Variants in CUL3 observed in about 807,000 individuals in gnomAD.
CUL3 encodes the protein cullin 3.
A neutral mutation model predicts 89.1 loss-of-function variants in CUL3; 19 were observed. The observed-to-expected ratio is 0.21, with a 90% CI of 0.15 to 0.31. CUL3 has a LOEUF of 0.31. Ranked by LOEUF, CUL3 falls within the 10% of genes least tolerant of loss-of-function variation. The pLI is 1.00. For missense variants in CUL3, 469 were observed against 942.3 expected (o/e 0.50, Z 6.58); for synonymous variants, 351 against 308.4 (o/e 1.14, Z -1.45).
intron 3 of CUL3, among the ~76,000 whole-genome samples, chr2:224,515,711 A>G (rs1693014157): frequency 7.0e-6 from 1 of 143,346 alleles, no homozygotes; most frequent in Non-Finnish European, 1.5e-5. Flanking sequence ...TTTTTTTTTG[A>G]GATGGAGTCT....
intron 3 of CUL3, among the ~76,000 whole-genome samples, chr2:224,533,584 G>A (rs768832137): frequency 8.5e-5 from 13 of 152,156 alleles, no homozygotes; most frequent in East Asian, 5.8e-4. Context: ...AGAATAAACC[G>A]TAAGATTACA....
intron 13 of CUL3, 68 bp from the exon 14 acceptor site, chr2:224,482,146 A>T: frequency 1.6e-6 from 2 of 1,255,732 alleles, no homozygotes; most frequent in South Asian, 2.9e-5. Context: ...TAGCAAGTAA[A>T]CTGACCAAGC....
chr2:224,498,714 AG>A (rs1692263885), intron 11 of CUL3, among the ~76,000 whole-genome samples: 1 of 152,232 alleles, frequency 6.6e-6, no homozygotes, highest in Non-Finnish European at 1.5e-5. Flanking sequence ...GCAGTTGACC[AG>A]GGTGAAGCAG....
chr2:224,523,492 G>A (rs771392927), intron 3 of CUL3, among the ~76,000 whole-genome samples: 8 of 151,850 alleles, frequency 5.3e-5, no homozygotes, highest in Non-Finnish European at 8.8e-5. Context: ...TATAGCTGCT[G>A]TGGAAAGCAA....
At chr2:224,492,918 G>A (rs1304036756) in intron 13 of CUL3, among the ~76,000 whole-genome samples, 1 of 152,186 alleles carries the variant, frequency 6.6e-6, no homozygotes, top group Admixed American at 6.5e-5. Flanking sequence ...CAGCCACCAA[G>A]ATTTGAGGAC....
chr2:224,482,728 C>T (rs3754631), intron 13 of CUL3, among the ~76,000 whole-genome samples: 28,125 of 152,100 alleles, frequency 0.18, 2,953 homozygotes, highest in South Asian at 0.27. Flanking sequence ...GGAGAAAAAG[C>T]AGCTCAGGAA....
At chr2:224,482,297 C>T (rs1445652388) in intron 13 of CUL3, among the ~76,000 whole-genome samples, 2 of 151,952 alleles carry the variant, frequency 1.3e-5, no homozygotes, top group Non-Finnish European at 2.9e-5. Context: ...ATTAAAAAGA[C>T]ATGTACTTTT....
At chr2:224,498,284 A>G (rs972045880) in intron 11 of CUL3, among the ~76,000 whole-genome samples, 1 of 152,194 alleles carries the variant, frequency 6.6e-6, no homozygotes, top group African/African-American at 2.4e-5. Flanking sequence ...AAGTTTATGT[A>G]ATTTTTTCTT....
chr2:224,580,545 G>A (rs1323853330), intron 1 of CUL3, among the ~76,000 whole-genome samples: 3 of 152,140 alleles, frequency 2.0e-5, no homozygotes, highest in Non-Finnish European at 4.4e-5. Flanking sequence ...TTAGCCAGAC[G>A]TGGTGGCGCA....
chr2:224,498,724 A>G (rs1384910001), intron 11 of CUL3, among the ~76,000 whole-genome samples: 2 of 152,246 alleles, frequency 1.3e-5, no homozygotes, highest in Admixed American at 1.3e-4. Flanking sequence ...AGGGTGAAGC[A>G]GGACTGTCTA....
chr2:224,512,206 C>T (rs1422964352), intron 5 of CUL3, among the ~76,000 whole-genome samples: 3 of 152,092 alleles, frequency 2.0e-5, no homozygotes, highest in Non-Finnish European at 2.9e-5. Flanking sequence ...CACCATTCTC[C>T]TGCCTCAGCC....
intron 10 of CUL3, among the ~76,000 whole-genome samples, chr2:224,500,689 G>A (rs1323927688): frequency 1.4e-5 from 2 of 147,020 alleles, no homozygotes; most frequent in African/African-American, 2.5e-5. Flanking sequence ...GCAATGGCAC[G>A]ATCTCGGCTC....
chr2:224,505,138 G>GTT lies in CUL3; in HGVS notation c.1206+816_1206+817dup, dbSNP rs11428046. 1.9e-3 allele frequency among the ~76,000 whole-genome samples: 255 copies of GTT among 137,678 alleles called. 2 individuals are homozygous for GTT. The highest frequency in any genetic ancestry group is 2.1e-3 in the Admixed American group (29 of 13,570). The allele number at this position is 137,678 out of a possible 152,430, so 90.3% of individuals were successfully genotyped here. Reference sequence around the variant, plus strand: ...CCAACTACAGCTGTGTAGTTGTTCAGTTTTTTTTTTTTTTTTGAGACGGAG... The same window carrying GTT: ...CCAACTACAGCTGTGTAGTTGTTCAGTTTTTTTTTTTTTTTTTTGAGACGGAG... On this transcript the variant is annotated intron_variant, in intron 8 of 15. Transcript: ENST00000264414.
At chr2:224,505,254 C>T (rs1559145794) in intron 8 of CUL3, among the ~76,000 whole-genome samples, 3 of 151,872 alleles carry the variant, frequency 2.0e-5, no homozygotes, top group Non-Finnish European at 4.4e-5. Context: ...TCTCCTGCCT[C>T]AGCCTCCTGA....
intron 13 of CUL3, among the ~76,000 whole-genome samples, chr2:224,487,042 C>T (rs917817639): frequency 6.6e-6 from 1 of 152,120 alleles, no homozygotes; most frequent in African/African-American, 2.4e-5. Context: ...AGGAGAAATA[C>T]AATCCTTTAC....
intron 3 of CUL3, among the ~76,000 whole-genome samples, chr2:224,523,004 G>A (rs1162764668): frequency 6.6e-6 from 1 of 152,078 alleles, no homozygotes; most frequent in Non-Finnish European, 1.5e-5. Context: ...TAAAAACACT[G>A]TTCTCTACTT....
chr2:224,564,456 T>G (rs886523442), intron 1 of CUL3, among the ~76,000 whole-genome samples: 8 of 152,236 alleles, frequency 5.3e-5, no homozygotes, highest in African/African-American at 1.9e-4. Context: ...AAGGGTTAAG[T>G]ACAGTACAAG....
chr2:224,510,327 A>G (rs1025069696), intron 6 of CUL3, among the ~76,000 whole-genome samples: 4 of 146,846 alleles, frequency 2.7e-5, no homozygotes, highest in Non-Finnish European at 5.9e-5. Context: ...TAAATTACAT[A>G]TAACTTTTCA....
At chr2:224,504,633 A>G (rs1170072876) in intron 8 of CUL3, among the ~76,000 whole-genome samples, 2 of 152,224 alleles carry the variant, frequency 1.3e-5, no homozygotes, top group African/African-American at 4.8e-5. Context: ...TAAGGGCAAA[A>G]GGATTCTGTG....
Sources: allele counts gnomAD v4.1 joint callset (sites outside exome capture counted in the v4.1 genomes callset), GRCh38; gene constraint gnomAD v4.1.1; transcripts MANE v1.5; gene names NCBI Gene and HGNC (gene_info 2026-07-23, HGNC 2026-07-21).